The following ROBO1 variants were observed in gnomAD, a reference collection of about 807,000 sequenced individuals.
The protein encoded by ROBO1 is roundabout guidance receptor 1.
A neutral mutation model predicts 195.9 loss-of-function variants in ROBO1; 149 were observed. That is an observed-to-expected ratio of 0.76 (90% CI 0.67 to 0.87). ROBO1 has a LOEUF of 0.87. Among genes scored for constraint, ROBO1 ranks in the 40% least tolerant of loss-of-function variants. The pLI is 0.00. For missense variants in ROBO1, 1,933 were observed against 2,068.3 expected (o/e 0.93, Z 1.27); for synonymous variants, 816 against 733.2 (o/e 1.11, Z -1.82).
intron 1 of ROBO1, among the ~76,000 whole-genome samples, chr3:79,625,537 T>C (rs1945149894): frequency 6.7e-6 from 1 of 149,002 alleles, no homozygotes; most frequent in Admixed American, 6.7e-5. Flanking sequence ...TCAGCACTGA[T>C]CACACAGTAA....
chr3:79,418,766 A>G lies in ROBO1; in HGVS notation c.88+171058T>C, dbSNP rs184519139. Among the ~76,000 whole-genome samples, 370 of 152,306 alleles carry G rather than the reference A, an allele frequency of 2.4e-3. 2 individuals are homozygous for G. The highest frequency in any genetic ancestry group is 7.6e-3 in the African/African-American group (315 of 41,584). ...ACAGATATTAGACATAACCATGCCCACAAATTCATGATCATGCTGACCAGA... is the reference window on the plus strand; with the variant it reads ...ACAGATATTAGACATAACCATGCCCGCAAATTCATGATCATGCTGACCAGA... On this transcript the variant is annotated intron_variant, in intron 2 of 30. Transcript: ENST00000464233.
intron 28 of ROBO1, 165 bp from the exon 29 acceptor site, chr3:78,607,206 T>G: frequency 1.6e-6 from 1 of 637,846 alleles, no homozygotes; most frequent in East Asian, 2.8e-5. Context: ...TTTTTAAAAT[T>G]TATGTTTATT....
chr3:78,692,459 T>C (rs1401762621), intron 8 of ROBO1, among the ~76,000 whole-genome samples: 3 of 152,084 alleles, frequency 2.0e-5, no homozygotes, highest in African/African-American at 7.2e-5. Context: ...TTGGTAGAGA[T>C]GGGGGTTTGC....
At chr3:78,810,671 GAA>G (rs148899378) in intron 4 of ROBO1, among the ~76,000 whole-genome samples, 1 of 144,074 alleles carries the variant, frequency 6.9e-6, no homozygotes. Flanking sequence ...TTTACAATGG[GAA>G]AAAAAAAAAG....
intron 2 of ROBO1, among the ~76,000 whole-genome samples, chr3:79,138,703 A>G (rs2080463845): frequency 6.6e-6 from 1 of 151,950 alleles, no homozygotes; most frequent in African/African-American, 2.4e-5. Flanking sequence ...TGGTAATACT[A>G]AAAACTGAAA....
chr3:79,401,528 G>A (rs1288250299), intron 2 of ROBO1, among the ~76,000 whole-genome samples: 1 of 151,834 alleles, frequency 6.6e-6, no homozygotes, highest in Non-Finnish European at 1.5e-5. Flanking sequence ...GATTTTAGAT[G>A]ATGAAGAGGA....
At chr3:79,056,155 C>A (rs955914946) in intron 3 of ROBO1, among the ~76,000 whole-genome samples, 1 of 152,008 alleles carries the variant, frequency 6.6e-6, no homozygotes, top group Non-Finnish European at 1.5e-5. Flanking sequence ...CTACATAAAT[C>A]GGACTGTGAA....
chr3:79,456,668 C>T (rs2039628724), intron 2 of ROBO1, among the ~76,000 whole-genome samples: 2 of 152,158 alleles, frequency 1.3e-5, no homozygotes, highest in Admixed American at 1.3e-4. Context: ...TTTAGTTTTG[C>T]TTCGTATTTC....
At chr3:78,724,284 C>A (rs79543720) in intron 5 of ROBO1, among the ~76,000 whole-genome samples, 7,701 of 152,092 alleles carry the variant, frequency 0.051, 562 homozygotes, top group African/African-American at 0.17. Flanking sequence ...ACATGGTGGG[C>A]TGTTCATTTC....
chr3:79,547,548 G>A (rs553533831), intron 2 of ROBO1, among the ~76,000 whole-genome samples: 1 of 152,258 alleles, frequency 6.6e-6, no homozygotes, highest in South Asian at 2.1e-4. Flanking sequence ...TAGCCTGACT[G>A]CAAAGATCAT....
At chr3:79,681,578 T>C (rs1423303421) in intron 1 of ROBO1, among the ~76,000 whole-genome samples, 1 of 151,976 alleles carries the variant, frequency 6.6e-6, no homozygotes, top group East Asian at 1.9e-4. Context: ...CCTTGTATTG[T>C]GGTGATATAA....
chr3:79,324,653 G>C (rs1468157887), intron 2 of ROBO1, among the ~76,000 whole-genome samples: 3 of 152,164 alleles, frequency 2.0e-5, no homozygotes, highest in Non-Finnish European at 4.4e-5. Context: ...GAGGGAAAGA[G>C]AAAGAGAGGT....
At chr3:79,317,627 T>C (rs972109190) in intron 2 of ROBO1, among the ~76,000 whole-genome samples, 1 of 152,148 alleles carries the variant, frequency 6.6e-6, no homozygotes, top group African/African-American at 2.4e-5. Flanking sequence ...TGTATCTTGA[T>C]TATAACGTCT....
At chr3:79,262,308 TTC>T (rs1377539811) in intron 2 of ROBO1, among the ~76,000 whole-genome samples, 1 of 152,064 alleles carries the variant, frequency 6.6e-6, no homozygotes, top group Admixed American at 6.6e-5. Flanking sequence ...TTCTCATCGA[TTC>T]TCTCTCCAAG....
In ROBO1 at chr3:78,662,141, AGGGTCT is replaced by A. The variant is rs1183804503; in HGVS notation, c.1967-33_1967-28del. On this transcript the variant is annotated intron_variant, in intron 14 of 30. Transcript: ENST00000464233. ...TACAACAAGTCAAGAAAACTGTGTC[AGGGTCT>A]GCACAACGTTACTGAACGGAATGAA... is the stretch of plus-strand genomic sequence containing the variant. 7.1e-6 allele frequency: 11 copies of A among 1,549,818 alleles called. No homozygotes were observed. In the Admixed American group the frequency reaches 1.8e-4, roughly 25 times the overall value.
At chr3:79,693,188 A>C (rs1485344848) in intron 1 of ROBO1, among the ~76,000 whole-genome samples, 1 of 151,842 alleles carries the variant, frequency 6.6e-6, no homozygotes, top group Non-Finnish European at 1.5e-5. Flanking sequence ...ATGTGTATTA[A>C]TTAGTTTGAT....
intron 8 of ROBO1, among the ~76,000 whole-genome samples, chr3:78,695,124 T>TGGGGGGGGGG (rs2081257156): frequency 1.6e-5 from 1 of 61,716 alleles, no homozygotes; most frequent in Non-Finnish European, 3.0e-5. Context: ...TAGGCTGGGG[T>TGGGGGGGGGG]GGGGGGAGGG....
At chr3:78,778,944 T>C (rs1321981391) in intron 4 of ROBO1, among the ~76,000 whole-genome samples, 1 of 152,114 alleles carries the variant, frequency 6.6e-6, no homozygotes, top group East Asian at 1.9e-4. Flanking sequence ...GCCTCAGAAA[T>C]AACGCCACGC....
intron 4 of ROBO1, among the ~76,000 whole-genome samples, chr3:78,789,690 G>A (rs148281228): frequency 6.6e-6 from 1 of 152,048 alleles, no homozygotes; most frequent in African/African-American, 2.4e-5. Context: ...GAGAGAACAC[G>A]GGGCGACTCT....
Sources: gnomAD v4.1 joint callset for allele counts (sites outside exome capture counted in the v4.1 genomes callset) on GRCh38, gnomAD v4.1.1 for gene constraint, MANE v1.5 for transcripts, NCBI Gene and HGNC (gene_info 2026-07-23, HGNC 2026-07-21) for gene names.